The following DSG2 variants were observed in gnomAD, a reference collection of about 807,000 sequenced individuals.
The protein encoded by DSG2 is desmoglein 2, also known as desmoglein-2.
In DSG2, 45 loss-of-function variants were observed where a neutral mutation model predicts 75.6. The observed-to-expected ratio is 0.60, with a 90% CI of 0.47 to 0.76. DSG2 has a LOEUF of 0.76. DSG2 is among the 30% of genes least tolerant of loss of function. The pLI, the probability that DSG2 is intolerant of heterozygous loss-of-function variation, is 0.00. For missense variants in DSG2, 1,267 were observed against 1,357.4 expected (o/e 0.93, Z 1.05); for synonymous variants, 429 against 483.9 (o/e 0.89, Z 1.49).
At chr18:31,502,176 T>C (rs1472110058) in intron 1 of DSG2, among the ~76,000 whole-genome samples, 1 of 152,228 alleles carries the variant, frequency 6.6e-6, no homozygotes, top group Non-Finnish European at 1.5e-5. Context: ...ACGTACTCTC[T>C]GATTATTAGA....
rs1598811518 is a variant in DSG2, at chr18:31,522,394, C to T, written c.690+145C>T. On this transcript the variant is annotated intron_variant, in intron 6 of 14. Coordinates refer to ENST00000261590, the MANE Select transcript of DSG2 (RefSeq NM_001943.5). ...GGAATTACTCTCTTTTAGGGATGTGCTGTCCAATATGGGCCATGTGACTAT... is the reference window on the plus strand; with the variant it reads ...GGAATTACTCTCTTTTAGGGATGTGTTGTCCAATATGGGCCATGTGACTAT... 8 of 812,520 alleles carry T rather than the reference C, an allele frequency of 9.8e-6. No homozygotes were observed. In the East Asian group the frequency reaches 2.2e-4, roughly 22 times the overall value. The allele number at this position is 812,520 out of a possible 1,614,324, so 50.3% of individuals were successfully genotyped here. A position where few individuals can be genotyped will look rare whatever the true frequency, so the allele number is the denominator to read the frequency against.
intron 1 of DSG2, among the ~76,000 whole-genome samples, chr18:31,513,029 A>C (rs926488454): frequency 2.0e-5 from 3 of 152,234 alleles, no homozygotes; most frequent in African/African-American, 7.2e-5. Flanking sequence ...AATGCCAGTC[A>C]CTGCAATAGT....
In DSG2 at chr18:31,541,317, C is replaced by T; in HGVS notation, c.2001+3C>T. The T allele has an allele frequency of 6.2e-7, 1 of 1,613,870 alleles. No individual in the cohort carries two copies. Among genetic ancestry groups the T allele is most frequent in the African/African-American group, 1.3e-5 (1 of 75,018 alleles). On this transcript the variant is annotated splice_donor_region_variant and intron_variant, in intron 13 of 14. Transcript: ENST00000261590. ...AAGGAGCACCACCTGAAGACAAGGT[C>T]AGTGGATCAGATGTCAATATGACTT...
Position 31,524,865 on chromosome 18 carries a change from G to A in DSG2, c.991G>A (p.Glu331Lys), listed in dbSNP as rs121913012. 19 of 1,614,044 alleles carry A rather than the reference G, an allele frequency of 1.2e-5. No homozygotes were observed. The highest frequency in any genetic ancestry group is 3.3e-5 in the South Asian group (3 of 91,078). ...CATAGAAACAGATGCTCAAACTAAC[G>A]AAGGAATTGTGACCCTTATTAAGGT... is the stretch of plus-strand genomic sequence containing the variant. ...FHIETDAQTN[E>K]GIVTLIKEVD... Residue 331 changes from glutamate (E) to lysine (K), a missense_variant, in exon 8 of 15, where the codon GAA becomes AAA. Coordinates refer to ENST00000261590, the MANE Select transcript of DSG2 (RefSeq NM_001943.5).
chr18:31,500,071 T>C (rs1346653475), intron 1 of DSG2, among the ~76,000 whole-genome samples: 6 of 144,368 alleles, frequency 4.2e-5, no homozygotes, highest in Non-Finnish European at 7.6e-5. Flanking sequence ...GGAAAGCAAC[T>C]CATCTGACAG....
intron 11 of DSG2, among the ~76,000 whole-genome samples, chr18:31,537,037 G>T (rs1273169045): frequency 6.6e-6 from 1 of 152,164 alleles, no homozygotes; most frequent in Non-Finnish European, 1.5e-5. Flanking sequence ...GTGTTGATGT[G>T]AGTTTTCAGA....
Position 31,538,839 on chromosome 18 carries a change from T to C in DSG2, c.1740T>C (p.Cys580=). 6.2e-7 allele frequency: 1 copy of C among 1,614,188 alleles called. No individual in the cohort carries two copies. The highest frequency in any genetic ancestry group is 8.5e-7 in the Non-Finnish European group (1 of 1,180,034). ...FLISDNQGFS[C]PEKQVLTLTV... Reference sequence around the variant, plus strand: ...TTTCAGACAATCAGGGTTTTAGTTGTCCTGAAAAGCAGGTCCTTACACTCA... The same window carrying C: ...TTTCAGACAATCAGGGTTTTAGTTGCCCTGAAAAGCAGGTCCTTACACTCA... Residue 580 remains cysteine, a synonymous_variant, in exon 12 of 15, where the codon TGT becomes TGC. Coordinates refer to ENST00000261590, the MANE Select transcript of DSG2 (RefSeq NM_001943.5).
chr18:31,527,724 T>G (rs940637356), intron 8 of DSG2, among the ~76,000 whole-genome samples: 1 of 152,240 alleles, frequency 6.6e-6, no homozygotes, highest in Non-Finnish European at 1.5e-5. Context: ...AATGAATATC[T>G]TAGTCCGTTT....
At chr18:31,501,898 A>G (rs577575762) in intron 1 of DSG2, among the ~76,000 whole-genome samples, 7 of 152,318 alleles carry the variant, frequency 4.6e-5, no homozygotes, top group African/African-American at 1.2e-4. Flanking sequence ...TAAATTATCA[A>G]TAATATCAGA....
At chr18:31,525,269 A>G (rs1161470716) in intron 8 of DSG2, among the ~76,000 whole-genome samples, 1 of 152,018 alleles carries the variant, frequency 6.6e-6, no homozygotes, top group Non-Finnish European at 1.5e-5. Context: ...CCAGCCCCAC[A>G]CTTTGAGAAG....
intron 1 of DSG2, among the ~76,000 whole-genome samples, chr18:31,513,645 A>G (rs1275860180): frequency 3.9e-5 from 6 of 152,202 alleles, no homozygotes; most frequent in Non-Finnish European, 7.3e-5. Flanking sequence ...CCTGTTACAG[A>G]TAAGGAAATT....
chr18:31,536,566 C>G lies in DSG2; in HGVS notation c.1651+137C>G, dbSNP rs904409514. 13 of 870,766 alleles carry G rather than the reference C, an allele frequency of 1.5e-5. No homozygotes were observed. The African/African-American group carries it at 2.0e-4, about 14-fold the overall frequency. The allele number at this position is 870,766 out of a possible 1,614,324, so 53.9% of individuals were successfully genotyped here. A position where few individuals can be genotyped will look rare whatever the true frequency, so the allele number is the denominator to read the frequency against. ...GGAGTTTATGAAATGAGGTCCTGAACCTACTGACATATAGTATCTTTTATA... is the reference window on the plus strand; with the variant it reads ...GGAGTTTATGAAATGAGGTCCTGAAGCTACTGACATATAGTATCTTTTATA... On this transcript the variant is annotated intron_variant, in intron 11 of 14. Coordinates refer to ENST00000261590, the MANE Select transcript of DSG2 (RefSeq NM_001943.5).
chr18:31,508,278 A>G (rs1032450840), intron 1 of DSG2, among the ~76,000 whole-genome samples: 12 of 152,188 alleles, frequency 7.9e-5, no homozygotes, highest in Non-Finnish European at 1.2e-4. Context: ...CTACAGTTCA[A>G]TTGTAGTTGA....
chr18:31,544,938 A>G (rs117008562), intron 14 of DSG2, among the ~76,000 whole-genome samples: 1 of 152,186 alleles, frequency 6.6e-6, no homozygotes, highest in East Asian at 1.9e-4. Context: ...TAAATTTGCA[A>G]ATTATTAGCG....
rs1286077034 is a variant in DSG2, at chr18:31,546,132, C to T, written c.2746C>T (p.Gln916Ter). ...CACTGAAAGATCTGTGTCTTCTAGG[C>T]AGGCGCAAAAGGTAGCTACACCTCT... ...IVTERSVSSR[Q>*]AQKVATPLPD... The change falls in exon 15 of 15, where the codon CAG (glutamine) becomes TAG (stop). Residue 916 changes from glutamine to a stop codon, truncating the protein, a stop_gained. Transcript: ENST00000261590. LOFTEE classifies it low-confidence loss of function (END_TRUNC). 5 of 1,614,176 alleles carry T rather than the reference C, an allele frequency of 3.1e-6. No homozygotes were observed. The South Asian group carries it at 5.5e-5, about 18-fold the overall frequency.
At chr18:31,517,023 A>T (rs1462669997) in intron 1 of DSG2, among the ~76,000 whole-genome samples, 7 of 152,238 alleles carry the variant, frequency 4.6e-5, no homozygotes, top group South Asian at 2.1e-4. Flanking sequence ...TAGCTACCAT[A>T]TTAGAAAGTG....
At chr18:31,519,750 ATGTTCT>A in intron 2 of DSG2, 47 bp from the exon 3 acceptor site, 1 of 1,574,256 alleles carries the variant, frequency 6.4e-7, no homozygotes, top group South Asian at 1.1e-5. Context: ...CAGCATACTA[ATGTTCT>A]ATATTTATGA....
At chr18:31,527,028 T>C (rs2073166982) in intron 8 of DSG2, among the ~76,000 whole-genome samples, 1 of 152,192 alleles carries the variant, frequency 6.6e-6, no homozygotes, top group Non-Finnish European at 1.5e-5. Context: ...AGTAATGTCT[T>C]AGGCCTTCAT....
chr18:31,528,350 G>A (rs1057352079), intron 8 of DSG2, among the ~76,000 whole-genome samples: 2 of 152,168 alleles, frequency 1.3e-5, no homozygotes, highest in East Asian at 3.9e-4. Context: ...TCATATGATG[G>A]AATACTAATG....
Sources: allele counts gnomAD v4.1 joint callset (sites outside exome capture counted in the v4.1 genomes callset), GRCh38; gene constraint gnomAD v4.1.1; transcripts MANE v1.5; gene names NCBI Gene and HGNC (gene_info 2026-07-23, HGNC 2026-07-21).